SLC17A1: variants seen among roughly 807,000 people sequenced by gnomAD.
The protein encoded by SLC17A1 is solute carrier family 17 member 1, also known as sodium-dependent phosphate transport protein 1.
In SLC17A1, 51 loss-of-function variants were observed where a neutral mutation model predicts 53.5. That is an observed-to-expected ratio of 0.95 (90% CI 0.76 to 1.20). The LOEUF is 1.20. SLC17A1 is among the 50% of genes most tolerant of loss of function. The pLI is 0.00. For missense variants in SLC17A1, 538 were observed against 568.2 expected (o/e 0.95, Z 0.54); for synonymous variants, 179 against 198.8 (o/e 0.90, Z 0.84).
intron 6 of SLC17A1, among the ~76,000 whole-genome samples, chr6:25,813,705 T>C (rs1042141808): frequency 1.3e-5 from 2 of 152,218 alleles, no homozygotes; most frequent in African/African-American, 4.8e-5. Flanking sequence ...TAGTTATTTT[T>C]CCTGATCCTC....
intron 6 of SLC17A1, among the ~76,000 whole-genome samples, chr6:25,815,934 C>T (rs1764338484): frequency 7.1e-6 from 1 of 141,422 alleles, no homozygotes; most frequent in East Asian, 2.1e-4. Flanking sequence ...TTTTTTGCCA[C>T]TTCAGCTCCA....
chr6:25,768,238 T>C, the SLC17A1 span: 2 of 274,224 alleles, frequency 7.3e-6, no homozygotes, highest in Admixed American at 6.5e-5. Context: ...AATGAAACCA[T>C]GCTGTCCATT....
Position 25,826,524 on chromosome 6 carries a change from CACCATGACT to C in SLC17A1, c.135_143del (p.Val46_Val48del), listed in dbSNP as rs747373520. The C allele has an allele frequency of 6.2e-7, 1 of 1,612,742 alleles. No homozygotes were observed. Among genetic ancestry groups the C allele is most frequent in the Admixed American group, 1.7e-5 (1 of 59,944 alleles). ...GCAAACCATGTGGATCTGTGCTATT[CACCATGACT>C]ACCATTGTGAGGTTCAGGCACGCAC... is the stretch of plus-strand genomic sequence containing the variant. On this transcript the variant is annotated inframe_deletion, in exon 3 of 13. Coordinates refer to ENST00000244527, the MANE Select transcript of SLC17A1 (RefSeq NM_005074.5).
At chr6:25,810,432 A>G (rs1013485780) in intron 10 of SLC17A1, among the ~76,000 whole-genome samples, 2 of 152,112 alleles carry the variant, frequency 1.3e-5, no homozygotes, top group Admixed American at 6.6e-5. Context: ...AACCCAATTA[A>G]AAAATGGGCA....
intron 12 of SLC17A1, among the ~76,000 whole-genome samples, chr6:25,792,616 C>T (rs556818034): frequency 2.6e-5 from 4 of 152,290 alleles, no homozygotes; most frequent in South Asian, 4.1e-4. Context: ...CAGAGCCTTC[C>T]TTTTGATCTC....
Position 25,798,873 on chromosome 6 carries a change from A to C in SLC17A1, c.1316T>G (p.Ile439Ser). ...WFKTFILMAA[I>S]NVTGLIFYLI... is the part of the protein sequence containing the mutation. ...GTAGAAAATTAGGCCAGTCACATTA[A>C]TGGCTGCCATCAGGATGAAGGTTTT... The change falls in exon 12 of 13, where the codon ATT becomes AGT. Residue 439 changes from isoleucine (I) to serine (S), a missense_variant. Ile to Ser is a moderately radical substitution (Grantham distance 142). Transcript: ENST00000244527. 1 of 1,607,062 alleles carries C rather than the reference A, an allele frequency of 6.2e-7. No individual in the cohort carries two copies. Among genetic ancestry groups the C allele is most frequent in the African/African-American group, 1.3e-5 (1 of 74,988 alleles).
At chr6:25,806,302 A>G (rs377105002) in intron 10 of SLC17A1, among the ~76,000 whole-genome samples, 1 of 152,246 alleles carries the variant, frequency 6.6e-6, no homozygotes, top group East Asian at 1.9e-4. Context: ...CAACAGATAC[A>G]GAAAATGCAT....
the SLC17A1 span, chr6:25,726,074 G>A: frequency 1.7e-5 from 24 of 1,453,396 alleles, no homozygotes; most frequent in East Asian, 3.7e-4. Flanking sequence ...AGGTGGCTCT[G>A]AAAAGAGCCT....
At chr6:25,736,907 G>C in the SLC17A1 span, among the ~76,000 whole-genome samples, 2 of 152,176 alleles carry the variant, frequency 1.3e-5, no homozygotes, top group Admixed American at 1.3e-4. Context: ...AATTATGACA[G>C]TGAAAGAGAT....
chr6:25,777,957 G>A (rs368081120), downstream of SLC17A1: 3 of 1,613,170 alleles, frequency 1.9e-6, no homozygotes, highest in Non-Finnish European at 2.5e-6. Flanking sequence ...ACTATTGCAA[G>A]TCTTTGCACA....
chr6:25,784,624 A>G (rs965207654), intron 12 of SLC17A1, among the ~76,000 whole-genome samples: 1 of 152,152 alleles, frequency 6.6e-6, no homozygotes, highest in African/African-American at 2.4e-5. Flanking sequence ...ACTACGCCCC[A>G]CTTTTAACAC....
At chr6:25,808,506 A>T (rs1328505077) in intron 10 of SLC17A1, among the ~76,000 whole-genome samples, 4 of 151,854 alleles carry the variant, frequency 2.6e-5, no homozygotes, top group South Asian at 2.1e-4. Flanking sequence ...AAAAAGAAGA[A>T]TTTTTTTTAA....
chr6:25,784,902 G>C (rs1404802120), intron 12 of SLC17A1, among the ~76,000 whole-genome samples: 1 of 152,086 alleles, frequency 6.6e-6, no homozygotes, highest in African/African-American at 2.4e-5. Flanking sequence ...TATACTAGGG[G>C]TTCTATACAG....
At chr6:25,765,420 C>A in the SLC17A1 span, among the ~76,000 whole-genome samples, 1 of 152,202 alleles carries the variant, frequency 6.6e-6, no homozygotes, top group African/African-American at 2.4e-5. Flanking sequence ...TCTTAATCAT[C>A]CAGGCACAAA....
intron 12 of SLC17A1, among the ~76,000 whole-genome samples, chr6:25,789,877 T>G (rs530260492): frequency 1.4e-4 from 22 of 152,324 alleles, no homozygotes; most frequent in African/African-American, 5.1e-4. Context: ...GTCCCAGAAT[T>G]ACATGGTAGA....
chr6:25,775,720 G>C, the SLC17A1 span, among the ~76,000 whole-genome samples: 2 of 152,118 alleles, frequency 1.3e-5, no homozygotes, highest in African/African-American at 4.8e-5. Context: ...GAGCCACCAT[G>C]GCTGGCCTAA....
chr6:25,761,717 G>A, the SLC17A1 span, among the ~76,000 whole-genome samples: 1 of 152,130 alleles, frequency 6.6e-6, no homozygotes. Context: ...TCACTTGCGA[G>A]ATATAAATAC....
chr6:25,727,098 A>G, the SLC17A1 span: 2 of 1,614,246 alleles, frequency 1.2e-6, no homozygotes, highest in Non-Finnish European at 1.7e-6. Context: ...TATGAGCATT[A>G]TGAATTCCTT....
At chr6:25,726,926 T>C in the SLC17A1 span, 3 of 1,613,410 alleles carry the variant, frequency 1.9e-6, no homozygotes, top group Middle Eastern at 1.7e-4. Context: ...AGGTGTCATC[T>C]AAAGGTGCTA....
Sources: gnomAD v4.1 joint callset for allele counts (sites outside exome capture counted in the v4.1 genomes callset) on GRCh38, gnomAD v4.1.1 for gene constraint, MANE v1.5 for transcripts, NCBI Gene and HGNC (gene_info 2026-07-23, HGNC 2026-07-21) for gene names.